The following ITGB5 variants were observed in gnomAD, a reference collection of about 807,000 sequenced individuals.
ITGB5 encodes the protein integrin subunit beta 5.
In ITGB5, 38 loss-of-function variants were observed where a neutral mutation model predicts 84.8. That is an observed-to-expected ratio of 0.45 (90% CI 0.35 to 0.59). The LOEUF (loss-of-function observed/expected upper bound fraction) is 0.59, where lower values mean the gene tolerates loss of function less well. Among genes scored for constraint, ITGB5 ranks in the 20% least tolerant of loss-of-function variants. The pLI is 0.01. For missense variants in ITGB5, 905 were observed against 1,034.5 expected (o/e 0.87, Z 1.72); for synonymous variants, 393 against 414.4 (o/e 0.95, Z 0.63).
At chr3:124,827,662 C>T (rs190656519) in intron 5 of ITGB5, among the ~76,000 whole-genome samples, 29 of 152,312 alleles carry the variant, frequency 1.9e-4, no homozygotes, top group Admixed American at 1.9e-3. Context: ...TGTGTCAGGC[C>T]TCTGAGCCCA....
chr3:124,859,210 A>G (rs1413841185), intron 3 of ITGB5, 32 bp downstream of exon 3: 2 of 1,601,264 alleles, frequency 1.2e-6, no homozygotes, highest in Admixed American at 3.4e-5. Flanking sequence ...TCCTGATCCC[A>G]GAGCATCCAG....
intron 1 of ITGB5, among the ~76,000 whole-genome samples, chr3:124,897,704 C>G (rs1333956994): frequency 6.6e-6 from 1 of 152,132 alleles, no homozygotes; most frequent in Non-Finnish European, 1.5e-5. Flanking sequence ...ATGCATTTAT[C>G]CAACAAGTAT....
rs1446203296 is a variant in ITGB5, at chr3:124,796,763, G to A, written c.1318C>T (p.His440Tyr). The A allele has an allele frequency of 3.1e-6, 5 of 1,613,656 alleles. No homozygotes were observed. The highest frequency in any genetic ancestry group is 1.7e-5 in the Admixed American group (1 of 59,976). The change falls in exon 10 of 15, where the codon CAT becomes TAT. Residue 440 changes from histidine (H) to tyrosine (Y), a missense_variant. By Grantham distance (83) the His-to-Tyr change is moderately conservative. Transcript: ENST00000296181. ...ARSCPSRHTE[H>Y]VFALRPVGFR... The stretch of plus-strand genomic sequence containing the variant: ...CCCACCGGCCGCAGGGCAAACACAT[G>A]CTCCGTGTGTCTGCTGGGACAGCTT...
chr3:124,766,430 T>A (rs1189377037), intron 12 of ITGB5, 85 bp from the exon 13 acceptor site: 1 of 1,531,120 alleles, frequency 6.5e-7, no homozygotes, highest in Non-Finnish European at 8.9e-7. Flanking sequence ...CCGAGTGCCT[T>A]GAAAAAGGAA....
chr3:124,847,083 A>G (rs1363119948), intron 4 of ITGB5, among the ~76,000 whole-genome samples: 3 of 152,224 alleles, frequency 2.0e-5, no homozygotes, highest in African/African-American at 4.8e-5. Flanking sequence ...CTTACCTTAG[A>G]GACCTCAACA....
rs1035083880 is a variant in ITGB5 at position 124,834,262 on chromosome 3, T to C, written c.780+7121A>G. Among the ~76,000 whole-genome samples the C allele has an allele frequency of 5.9e-5, 9 of 151,822 alleles. No homozygotes were observed. In the East Asian group the frequency reaches 1.5e-3, roughly 26 times the overall value. On this transcript the variant is annotated intron_variant, in intron 5 of 14. Transcript: ENST00000296181. ...GTGTCAACACTGACTGGGTCACTGA[T>C]TGTAACAAATATACCACACTGATGT...
chr3:124,764,328 G>T lies in ITGB5; in HGVS notation c.2304+63C>A. 3 of 1,529,054 alleles carry T rather than the reference G, an allele frequency of 2.0e-6. No individual in the cohort carries two copies. The East Asian group carries it at 6.8e-5, about 35-fold the overall frequency. The allele number at this position is 1,529,054 out of a possible 1,614,324, so 94.7% of individuals were successfully genotyped here. On this transcript the variant is annotated intron_variant, in intron 14 of 14. Coordinates refer to ENST00000296181, the MANE Select transcript of ITGB5 (RefSeq NM_002213.5). ...AGTGAGCCTCTATTGCTAACATACC[G>T]CTGAACTCAACCACGCCTCTGAGCT...
chr3:124,872,052 T>C (rs1314268439), intron 2 of ITGB5, among the ~76,000 whole-genome samples: 1 of 152,014 alleles, frequency 6.6e-6, no homozygotes, highest in Non-Finnish European at 1.5e-5. Flanking sequence ...GCCACAGAGC[T>C]TGGATCTGCC....
chr3:124,763,611 G>A lies in ITGB5; in HGVS notation c.*12C>T, dbSNP rs753371503. 1 of 1,538,610 alleles carries A rather than the reference G, an allele frequency of 6.5e-7. No individual in the cohort carries two copies. The highest frequency in any genetic ancestry group is 9.0e-7 in the Non-Finnish European group (1 of 1,110,952). ...ATCAGATCCCCGCTCCAGCCCCTCG[G>A]AGAAGGAAACATCAGTCCACAGTGC... On this transcript the variant is annotated 3_prime_UTR_variant, in exon 15 of 15. Transcript: ENST00000296181.
At chr3:124,785,829 T>A (rs937708446) in intron 10 of ITGB5, among the ~76,000 whole-genome samples, 1 of 152,106 alleles carries the variant, frequency 6.6e-6, no homozygotes, top group African/African-American at 2.4e-5. Flanking sequence ...GGGCTAAATA[T>A]TTCCTAAAAT....
chr3:124,836,535 C>A (rs1361998433), intron 5 of ITGB5, among the ~76,000 whole-genome samples: 1 of 152,118 alleles, frequency 6.6e-6, no homozygotes, highest in African/African-American at 2.4e-5. Context: ...CTTCCCAGAG[C>A]ACACAGTCAC....
intron 9 of ITGB5, among the ~76,000 whole-genome samples, chr3:124,800,835 T>G (rs2107524458): frequency 1.3e-5 from 2 of 152,344 alleles, no homozygotes; most frequent in East Asian, 3.9e-4. Context: ...TCCTGAGAAC[T>G]TCAACTGATA....
intron 2 of ITGB5, among the ~76,000 whole-genome samples, chr3:124,863,506 T>A (rs993768763): frequency 6.6e-6 from 1 of 152,212 alleles, no homozygotes; most frequent in Non-Finnish European, 1.5e-5. Context: ...ATTCCATGTG[T>A]TCCTTTCTAA....
intron 9 of ITGB5, among the ~76,000 whole-genome samples, chr3:124,801,595 G>T (rs186002462): frequency 9.2e-5 from 14 of 152,270 alleles, no homozygotes; most frequent in Non-Finnish European, 2.1e-4. Flanking sequence ...CAGACCCTGA[G>T]ATCCCTGATG....
intron 1 of ITGB5, among the ~76,000 whole-genome samples, chr3:124,899,236 T>C (rs576248798): frequency 6.6e-6 from 1 of 152,360 alleles, no homozygotes; most frequent in African/African-American, 2.4e-5. Context: ...TAGGATGCCA[T>C]GCCACTTCAT....
intron 1 of ITGB5, among the ~76,000 whole-genome samples, chr3:124,899,434 CT>C (rs1935176111): frequency 6.6e-6 from 1 of 152,106 alleles, no homozygotes; most frequent in Non-Finnish European, 1.5e-5. Flanking sequence ...GGAAAGAAGC[CT>C]CCAAGATTCC....
chr3:124,807,575 C>T (rs949322172), intron 9 of ITGB5, among the ~76,000 whole-genome samples: 1 of 152,182 alleles, frequency 6.6e-6, no homozygotes, highest in Non-Finnish European at 1.5e-5. Flanking sequence ...TTCATTTTCT[C>T]AACTTCCATA....
At chr3:124,773,492 C>CA (rs2150935045) in intron 11 of ITGB5, among the ~76,000 whole-genome samples, 198 bp downstream of exon 11, 2 of 152,316 alleles carry the variant, frequency 1.3e-5, no homozygotes, top group African/African-American at 4.8e-5. Context: ...TGTTTTCTTA[C>CA]AAAACCCTTA....
rs140607593 is a variant in ITGB5, at chr3:124,835,001, C to T, written c.780+6382G>A. 3.2e-3 allele frequency among the ~76,000 whole-genome samples: 486 copies of T among 152,276 alleles called. 3 individuals carry two copies. The highest frequency in any genetic ancestry group is 0.011 in the African/African-American group (466 of 41,564). On this transcript the variant is annotated intron_variant, in intron 5 of 14. Coordinates refer to ENST00000296181, the MANE Select transcript of ITGB5 (RefSeq NM_002213.5). ...ATTCTCACCTGGTATGAAAACAGAG[C>T]CCCAGCCATCAAAGGGGCCTCCTAC... is the stretch of plus-strand genomic sequence containing the variant.
Sources: allele counts gnomAD v4.1 joint callset (sites outside exome capture counted in the v4.1 genomes callset), GRCh38; gene constraint gnomAD v4.1.1; transcripts MANE v1.5; gene names NCBI Gene and HGNC (gene_info 2026-07-23, HGNC 2026-07-21).